Variants in CNTN1 observed in about 807,000 individuals in gnomAD.
CNTN1 encodes the protein contactin-1.
CNTN1 carries 38 observed loss-of-function variants against 126.4 expected under a neutral mutation model. That is an observed-to-expected ratio of 0.30 (90% confidence interval 0.23 to 0.39). The LOEUF (loss-of-function observed/expected upper bound fraction) is 0.39. Ranked by LOEUF, CNTN1 falls within the 10% of genes least tolerant of loss-of-function variation. CNTN1 has a pLI of 1.00. For synonymous variants in CNTN1, 413 were observed against 422.6 expected, an observed-to-expected ratio of 0.98 and a Z score of 0.28; for missense variants, 1,009 against 1,248.4, an observed-to-expected ratio of 0.81 and a Z score of 2.89.
intron 1 of CNTN1, among the ~76,000 whole-genome samples, chr12:40,777,635 GAA>G (rs1939640702): frequency 6.6e-6 from 1 of 151,768 alleles, no homozygotes; most frequent in African/African-American, 2.4e-5. Context: ...CCATCTATGG[GAA>G]AAAGTCTGGA....
chr12:40,840,265 C>T (rs1224885170), intron 1 of CNTN1, among the ~76,000 whole-genome samples: 1 of 151,694 alleles, frequency 6.6e-6, no homozygotes, highest in South Asian at 2.1e-4. Flanking sequence ...ATTATATAAT[C>T]ATAAAGGAAT....
intron 1 of CNTN1, among the ~76,000 whole-genome samples, chr12:40,776,984 T>C (rs28445457): frequency 0.069 from 10,413 of 151,668 alleles, 1,008 homozygotes; most frequent in African/African-American, 0.21. Context: ...TTCCCACTTA[T>C]GTCCCCTGAT....
At chr12:40,795,866 T>C (rs1940408405) in intron 1 of CNTN1, among the ~76,000 whole-genome samples, 1 of 152,130 alleles carries the variant, frequency 6.6e-6, no homozygotes, top group African/African-American at 2.4e-5. Flanking sequence ...TAAGTGTTTT[T>C]TAAATTTTTT....
At chr12:40,818,367 T>A (rs1941324237) in intron 1 of CNTN1, among the ~76,000 whole-genome samples, 1 of 152,148 alleles carries the variant, frequency 6.6e-6, no homozygotes, top group Non-Finnish European at 1.5e-5. Flanking sequence ...GTTCATTCCT[T>A]TTCATTCTTT....
chr12:40,992,329 T>C (rs1270753006), intron 16 of CNTN1, among the ~76,000 whole-genome samples: 1 of 152,140 alleles, frequency 6.6e-6, no homozygotes, highest in Non-Finnish European at 1.5e-5. Flanking sequence ...CATTGCCAGA[T>C]AAAACTTCCC....
At chr12:40,795,297 ACACACACACACACACACACACAT>A (rs1205056209) in intron 1 of CNTN1, among the ~76,000 whole-genome samples, 43 of 65,912 alleles carry the variant, frequency 6.5e-4, no homozygotes, top group African/African-American at 1.2e-3. Flanking sequence ...ACACACACAC[ACACACACACACACACACACACAT>A]TTTTTTTTTT....
At chr12:41,001,643 T>G (rs1948363334) in intron 17 of CNTN1, among the ~76,000 whole-genome samples, 1 of 152,194 alleles carries the variant, frequency 6.6e-6, no homozygotes, top group Admixed American at 6.5e-5. Flanking sequence ...TACAATTGCT[T>G]TTGGCATCTT....
At chr12:40,839,033 T>C (rs1364540815) in intron 1 of CNTN1, among the ~76,000 whole-genome samples, 3 of 151,896 alleles carry the variant, frequency 2.0e-5, no homozygotes, top group African/African-American at 7.3e-5. Flanking sequence ...GAAAAAACAA[T>C]CCAGGATATG....
chr12:40,727,217 G>A (rs1345848462), intron 1 of CNTN1, among the ~76,000 whole-genome samples: 2 of 143,410 alleles, frequency 1.4e-5, no homozygotes, highest in African/African-American at 5.1e-5. Context: ...CTCTAAGATT[G>A]GGGCAAAAAA....
intron 1 of CNTN1, among the ~76,000 whole-genome samples, chr12:40,835,702 T>A (rs1352898614): frequency 6.6e-6 from 1 of 152,064 alleles, no homozygotes. Flanking sequence ...AATATTCTTT[T>A]CAAGTGAATT....
At chr12:40,849,421 A>C in intron 1 of CNTN1, among the ~76,000 whole-genome samples, 1 of 152,230 alleles carries the variant, frequency 6.6e-6, no homozygotes, top group South Asian at 2.1e-4. Flanking sequence ...ACTCCAAAAG[A>C]AGCATATTAT....
chr12:40,971,605 C>T, intron 15 of CNTN1: 1 of 1,518,056 alleles, frequency 6.6e-7, no homozygotes, highest in East Asian at 2.5e-5. Context: ...TTCTGCAGTT[C>T]TCCCCACCCC....
In CNTN1 at chr12:40,944,206, G is replaced by A. The variant is rs1460922490; in HGVS notation, c.1683+36G>A. 3 of 1,533,204 alleles carry A rather than the reference G, an allele frequency of 2.0e-6. No homozygotes were observed. In the South Asian group the frequency reaches 3.4e-5, roughly 17 times the overall value. The allele number at this position is 1,533,204 out of a possible 1,614,324, so 95.0% of individuals were successfully genotyped here. A position where few individuals can be genotyped will look rare whatever the true frequency, so the allele number is the denominator to read the frequency against. On this transcript the variant is annotated intron_variant, in intron 14 of 23. Coordinates refer to ENST00000551295, the MANE Select transcript of CNTN1 (RefSeq NM_001843.4). ...TAAGTTTCATCTTATTAACACCCCA[G>A]TGATTCCTATGTGTCTGCATTGAAA...
chr12:40,958,993 T>A, intron 14 of CNTN1, 121 bp from the exon 15 acceptor site: 2 of 1,189,372 alleles, frequency 1.7e-6, no homozygotes, highest in Non-Finnish European at 2.4e-6. Context: ...TTAGCATGTC[T>A]AAAACACATT....
intron 1 of CNTN1, among the ~76,000 whole-genome samples, chr12:40,895,053 C>G (rs1944361162): frequency 6.6e-6 from 1 of 152,116 alleles, no homozygotes; most frequent in South Asian, 2.1e-4. Context: ...ATTTCAAAGA[C>G]TGCGACTCAA....
intron 1 of CNTN1, among the ~76,000 whole-genome samples, chr12:40,702,775 C>A (rs1941636184): frequency 6.6e-6 from 1 of 152,174 alleles, no homozygotes; most frequent in Non-Finnish European, 1.5e-5. Context: ...CTGCCACTTC[C>A]TTTTATCTTG....
chr12:40,951,871 A>T (rs1946701779), intron 14 of CNTN1, among the ~76,000 whole-genome samples: 1 of 152,006 alleles, frequency 6.6e-6, no homozygotes, highest in South Asian at 2.1e-4. Context: ...AATATCCGGA[A>T]TTTATTTTTC....
chr12:40,839,233 T>C lies in CNTN1; in HGVS notation c.-76-69124T>C, dbSNP rs560663044. On this transcript the variant is annotated intron_variant, in intron 1 of 23. Transcript: ENST00000551295. ...GAAATAATGCAGTCAGACAAAAATA[T>C]AGAAAAAAAACTTAAAAAGAATGAG... Among the ~76,000 whole-genome samples the C allele has an allele frequency of 2.6e-5, 4 of 151,420 alleles. No homozygotes were observed. The South Asian group carries it at 6.3e-4, about 24-fold the overall frequency.
At chr12:40,937,744 C>A in intron 11 of CNTN1, 57 bp downstream of exon 11, 3 of 1,009,268 alleles carry the variant, frequency 3.0e-6, no homozygotes, top group Non-Finnish European at 4.8e-6. Flanking sequence ...TCATATCACA[C>A]AAAATGTTTA....
Sources: gnomAD v4.1 joint callset for allele counts (sites outside exome capture counted in the v4.1 genomes callset) on GRCh38, gnomAD v4.1.1 for gene constraint, MANE v1.5 for transcripts, NCBI Gene and HGNC (gene_info 2026-07-23, HGNC 2026-07-21) for gene names.